The following NOL10 variants were observed in gnomAD, a reference collection of about 807,000 sequenced individuals.
NOL10 encodes nucleolar protein 10.
A neutral mutation model predicts 103.5 loss-of-function variants in NOL10; 58 were observed. The ratio of observed to expected loss-of-function variants is 0.56; its 90% confidence interval spans 0.45 to 0.70. The LOEUF (loss-of-function observed/expected upper bound fraction) is 0.70, where lower values mean the gene tolerates loss of function less well. Ranked by LOEUF, NOL10 falls within the 30% of genes least tolerant of loss-of-function variation. The pLI, the probability that NOL10 is intolerant of heterozygous loss-of-function variation, is 0.00. For synonymous variants in NOL10, 287 were observed against 282.5 expected (o/e 1.02, Z -0.16); for missense variants, 763 against 807.3 (o/e 0.95, Z 0.67).
At chr2:10,664,065 G>A (rs920440823) in intron 8 of NOL10, among the ~76,000 whole-genome samples, 7 of 151,600 alleles carry the variant, frequency 4.6e-5, no homozygotes, top group East Asian at 3.9e-4. Context: ...AGGCTACAGC[G>A]AGCTGAGCGT....
chr2:10,662,870 C>T, intron 9 of NOL10, 89 bp downstream of exon 9: 1 of 982,524 alleles, frequency 1.0e-6, no homozygotes. Flanking sequence ...TTTCAGATAT[C>T]CTGTAGCAAT....
chr2:10,587,012 T>C lies in NOL10; in HGVS notation c.1844+2031A>G, dbSNP rs559932472. On this transcript the variant is annotated intron_variant, in intron 19 of 20. Coordinates refer to ENST00000381685, the MANE Select transcript of NOL10 (RefSeq NM_024894.4). ...TTGTATGTGTTAGGTCTAGACTTTC[T>C]AGTGAAAATAAATAACACAAAAAGT... is the stretch of plus-strand genomic sequence containing the variant. Among the ~76,000 whole-genome samples, 18 of 118,388 alleles carry C rather than the reference T, an allele frequency of 1.5e-4. 2 individuals are homozygous for C. Among genetic ancestry groups the C allele is most frequent in the African/African-American group, 5.2e-4 (17 of 32,516 alleles). 77.7% of individuals were successfully genotyped at this position (118,388 alleles called of 152,430 possible).
At chr2:10,622,965 C>T (rs1677233620) in intron 13 of NOL10, among the ~76,000 whole-genome samples, 1 of 152,078 alleles carries the variant, frequency 6.6e-6, no homozygotes, top group African/African-American at 2.4e-5. Flanking sequence ...CATCATCCAT[C>T]ACTCCCCCAC....
intron 20 of NOL10, among the ~76,000 whole-genome samples, chr2:10,573,078 T>TA: frequency 8.7e-6 from 1 of 114,626 alleles, no homozygotes. Flanking sequence ...AAAAAAAAAT[T>TA]TCTTAGCGGT....
At chr2:10,634,114 A>T (rs1678027592) in intron 13 of NOL10, among the ~76,000 whole-genome samples, 1 of 152,188 alleles carries the variant, frequency 6.6e-6, no homozygotes, top group Non-Finnish European at 1.5e-5. Flanking sequence ...AGGTGTGACC[A>T]ACCGCACTGG....
chr2:10,658,407 T>G (rs1345332141), intron 10 of NOL10, among the ~76,000 whole-genome samples: 1 of 152,110 alleles, frequency 6.6e-6, no homozygotes, highest in Non-Finnish European at 1.5e-5. Context: ...TAGCCCATGA[T>G]GACAAAGAAA....
At chr2:10,664,218 G>C (rs1680425878) in intron 8 of NOL10, among the ~76,000 whole-genome samples, 1 of 151,988 alleles carries the variant, frequency 6.6e-6, no homozygotes. Context: ...ATCACCTGAG[G>C]TCAGGAGTTC....
At chr2:10,669,919 A>G (rs1360954828) in intron 6 of NOL10, among the ~76,000 whole-genome samples, 2 of 151,264 alleles carry the variant, frequency 1.3e-5, no homozygotes, top group Non-Finnish European at 2.9e-5. Context: ...TAATGATAAT[A>G]ATAATAATAA....
intron 20 of NOL10, among the ~76,000 whole-genome samples, chr2:10,575,262 T>C (rs6757809): frequency 0.25 from 37,685 of 152,170 alleles, 6,508 homozygotes; most frequent in African/African-American, 0.45. Flanking sequence ...CATTAAAGCA[T>C]GGATTTTCTC....
At chr2:10,587,868 T>C (rs952963450) in intron 19 of NOL10, among the ~76,000 whole-genome samples, 4 of 152,168 alleles carry the variant, frequency 2.6e-5, no homozygotes, top group Non-Finnish European at 2.9e-5. Context: ...AGAAAACACC[T>C]TCTCCTGCAC....
intron 3 of NOL10, among the ~76,000 whole-genome samples, chr2:10,679,634 T>C (rs7566883): frequency 3.9e-4 from 38 of 98,510 alleles, no homozygotes; most frequent in African/African-American, 9.7e-4. Context: ...CTCTCTTTCT[T>C]TCTTTCTTTG....
intron 13 of NOL10, among the ~76,000 whole-genome samples, chr2:10,622,655 T>C (rs1677215993): frequency 6.6e-6 from 1 of 152,144 alleles, no homozygotes; most frequent in Non-Finnish European, 1.5e-5. Context: ...TTGAGGCTAT[T>C]AGTGAGCACT....
At chr2:10,575,483 T>C (rs763681446) in intron 20 of NOL10, among the ~76,000 whole-genome samples, 1 of 152,218 alleles carries the variant, frequency 6.6e-6, no homozygotes, top group South Asian at 2.1e-4. Flanking sequence ...ACATCAAACA[T>C]TAATTGACAC....
rs70953321 is a variant in NOL10, at chr2:10,607,750, T to TTTTTTATTATTATTATTATTATTA, written c.1027-440_1027-439insTAATAATAATAATAATAATAAAAA. ...AAAATTACCTTTTTAAAAAACAATA[T>TTTTTTATTATTATTATTATTATTA]TTATTATTATTATTATTATTATTAT... On this transcript the variant is annotated intron_variant, in intron 13 of 20. Transcript: ENST00000381685. 9.1e-4 allele frequency among the ~76,000 whole-genome samples: 132 copies of TTTTTTATTATTATTATTATTATTA among 144,740 alleles called. 2 individuals carry two copies. The highest frequency in any genetic ancestry group is 2.8e-3 in the African/African-American group (111 of 39,458). 95.0% of individuals were successfully genotyped at this position (144,740 alleles called of 152,430 possible).
At chr2:10,668,087 ATCTGT>A (rs1680669541) in intron 7 of NOL10, among the ~76,000 whole-genome samples, 1 of 152,146 alleles carries the variant, frequency 6.6e-6, no homozygotes, top group South Asian at 2.1e-4. Flanking sequence ...TACCACAAAA[ATCTGT>A]TCTAAGTTTA....
chr2:10,689,725 GA>G (rs1682494040), intron 1 of NOL10, 70 bp downstream of exon 1: 15 of 1,445,636 alleles, frequency 1.0e-5, no homozygotes, highest in Non-Finnish European at 1.4e-5. Flanking sequence ...GGGCCGAGGA[GA>G]GGGGCGGCTG....
At chr2:10,621,878 G>C (rs1055518936) in intron 13 of NOL10, 12 of 325,800 alleles carry the variant, frequency 3.7e-5, no homozygotes, top group Non-Finnish European at 6.7e-5. Context: ...TAAGGAAGTA[G>C]CCTAATGATC....
Position 10,685,422 on chromosome 2 carries a change from G to A in NOL10, c.67-810C>T, listed in dbSNP as rs368572862. On this transcript the variant is annotated intron_variant, in intron 1 of 20. Transcript: ENST00000381685. Reference sequence around the variant, plus strand: ...GAAGGGGAATCACTTGAACCCGGGAGGCGGAGGTTGCAGGGAGCTGAGATC... The same window carrying A: ...GAAGGGGAATCACTTGAACCCGGGAAGCGGAGGTTGCAGGGAGCTGAGATC... Among the ~76,000 whole-genome samples the A allele has an allele frequency of 2.6e-4, 39 of 150,872 alleles. 3 individuals carry two copies. The East Asian group carries it at 4.5e-3, about 18-fold the overall frequency.
chr2:10,689,908 T>G lies in NOL10; in HGVS notation c.-47A>C, dbSNP rs766165525. The G allele has an allele frequency of 1.2e-5, 19 of 1,555,730 alleles. No homozygotes were observed. The Admixed American group carries it at 3.2e-4, about 26-fold the overall frequency. ...AGTCCCGGGTCCTTTCCCACCAGCGTGCTCGAGCACCGTAATCCCGGGACC... is the reference window on the plus strand; with the variant it reads ...AGTCCCGGGTCCTTTCCCACCAGCGGGCTCGAGCACCGTAATCCCGGGACC... On this transcript the variant is annotated 5_prime_UTR_variant, in exon 1 of 21. Coordinates refer to ENST00000381685, the MANE Select transcript of NOL10 (RefSeq NM_024894.4).
Sources: gnomAD v4.1 joint callset for allele counts (sites outside exome capture counted in the v4.1 genomes callset) on GRCh38, gnomAD v4.1.1 for gene constraint, MANE v1.5 for transcripts, NCBI Gene and HGNC (gene_info 2026-07-23, HGNC 2026-07-21) for gene names.